The following TCHH variants were observed in gnomAD, a reference collection of about 807,000 sequenced individuals.
TCHH encodes the protein trichohyalin.
TCHH carries 6 observed loss-of-function variants against 6.3 expected under a neutral mutation model. The ratio of observed to expected loss-of-function variants is 0.95; its 90% CI spans 0.52 to 1.88. The LOEUF (loss-of-function observed/expected upper bound fraction) is 1.88. Among genes scored for constraint, TCHH ranks in the 40% most tolerant of loss-of-function variants. The pLI is 0.01. For synonymous variants in TCHH, 1,087 were observed against 963.6 expected, an observed-to-expected ratio of 1.13 and a Z score of -2.37; for missense variants, 2,920 against 2,449.1, an observed-to-expected ratio of 1.19 and a Z score of -4.06.
In TCHH at chr1:152,107,857, T is replaced by TGCTGTTCCTCCCTCTCCTGGCGGA. The variant is rs750788841; in HGVS notation, c.5336_5359dup (p.Leu1779_Gln1786dup). The TGCTGTTCCTCCCTCTCCTGGCGGA allele has an allele frequency of 6.2e-7, 1 of 1,614,100 alleles. No individual in the cohort carries two copies. The highest frequency in any genetic ancestry group is 2.2e-5 in the East Asian group (1 of 44,864). ...TCTGTCAGACTCTTGGCTGCGCAGC[T>TGCTGTTCCTCCCTCTCCTGGCGGA]GCTGTTCCTCCCTCTCCTGGCGGAG... On this transcript the variant is annotated inframe_insertion, in exon 3 of 3. Coordinates refer to ENST00000614923, the MANE Select transcript of TCHH (RefSeq NM_007113.4).
chr1:152,107,124 AT>A lies in TCHH; in HGVS notation c.*260del, dbSNP rs199878160. On this transcript the variant is annotated 3_prime_UTR_variant, in exon 3 of 3. Transcript: ENST00000614923. ...TTCTTAAACAAATTAAATGATTTAT[AT>A]TTTTTTTAAATGCACACCACATCTG... 9.5e-4 allele frequency: 317 copies of A among 335,298 alleles called. No homozygotes were observed. Among genetic ancestry groups the A allele is most frequent in the African/African-American group, 1.9e-3 (88 of 47,338 alleles). 20.8% of individuals were successfully genotyped at this position (335,298 alleles called of 1,614,324 possible). A position where few individuals can be genotyped will look rare whatever the true frequency, so the allele number is the denominator to read the frequency against.
rs1166209739 is a variant in TCHH, at chr1:152,108,841, C to A, written c.4376G>T (p.Arg1459Leu). 1 of 1,600,424 alleles carries A rather than the reference C, an allele frequency of 6.2e-7. No homozygotes were observed. Among genetic ancestry groups the A allele is most frequent in the Non-Finnish European group, 8.5e-7 (1 of 1,175,354 alleles). ...LEEEQQLRQE[R>L]HRKFREEEQL... is the part of the protein sequence containing the mutation. ...TTCCTCTTCGCGGAATTTTCTGTGA[C>A]GCTCCTGGCGCAGCTGCTGTTCCTC... The change falls in exon 3 of 3, where the codon CGT becomes CTT. Residue 1459 changes from arginine to leucine, a missense_variant. Coordinates refer to ENST00000614923, the MANE Select transcript of TCHH (RefSeq NM_007113.4).
Position 152,109,574 on chromosome 1 carries a change from G to C in TCHH, c.3643C>G (p.Arg1215Gly). 6.2e-7 allele frequency: 1 copy of C among 1,614,184 alleles called. No homozygotes were observed. Among genetic ancestry groups the C allele is most frequent in the Non-Finnish European group, 8.5e-7 (1 of 1,180,032 alleles). The change falls in exon 3 of 3, where the codon CGG (arginine) becomes GGG (glycine). Residue 1215 changes from arginine (R) to glycine (G), a missense_variant. Transcript: ENST00000614923. ...AGATCACTGCGCTGATCCTCATCCCGGTATCGCTGCTTCCTTTTCTGGCGC... is the reference window on the plus strand; with the variant it reads ...AGATCACTGCGCTGATCCTCATCCCCGTATCGCTGCTTCCTTTTCTGGCGC... ...LQRQKRKQRY[R>G]DEDQRSDLKW...
chr1:152,112,659 G>A lies in TCHH; in HGVS notation c.558C>T (p.Arg186=), dbSNP rs768564473. 1.3e-5 allele frequency: 21 copies of A among 1,613,826 alleles called. No individual in the cohort carries two copies. The highest frequency in any genetic ancestry group is 1.8e-5 in the Non-Finnish European group (21 of 1,180,012). The change falls in exon 3 of 3, where the codon CGC becomes CGT. Residue 186 remains arginine, a synonymous_variant. Transcript: ENST00000614923. ...QRQEWQEREE[R]RAEEEQLQSC... ...TCTGCAGCTGCTCTTCCTCTGCACG[G>A]CGCTCTTCCCGTTCTTGCCATTCTT...
At position 152,110,810 on chromosome 1, in the gene TCHH, G is replaced by T. The variant is rs767585159; in HGVS notation, c.2407C>A (p.Arg803Ser). 1 of 1,608,230 alleles carries T rather than the reference G, an allele frequency of 6.2e-7. No individual in the cohort carries two copies. The highest frequency in any genetic ancestry group is 8.5e-7 in the Non-Finnish European group (1 of 1,179,822). ...QRERQLRAEERQQREQRFLPE... is the reference protein window; with the variant it reads ...QRERQLRAEESQQREQRFLPE... ...AGAAACCGTTGTTCCCGCTGCTGGC[G>T]CTCCTCGGCCCTCAGCTGCCTCTCC... The change falls in exon 3 of 3, where the codon CGC (arginine) becomes AGC (serine). Residue 803 changes from arginine (R) to serine (S), a missense_variant. Coordinates refer to ENST00000614923, the MANE Select transcript of TCHH (RefSeq NM_007113.4).
chr1:152,110,960 G>A lies in TCHH; in HGVS notation c.2257C>T (p.Arg753Trp), dbSNP rs762031871. 119 of 1,612,960 alleles carry A rather than the reference G, an allele frequency of 7.4e-5. No individual in the cohort carries two copies. The highest frequency in any genetic ancestry group is 9.8e-5 in the Non-Finnish European group (116 of 1,179,916). The change falls in exon 3 of 3, where the codon CGG becomes TGG. Residue 753 changes from arginine to tryptophan, a missense_variant. Arg to Trp is a moderately radical substitution (Grantham distance 101). Transcript: ENST00000614923. ...TCTTCCTGCTGCTGCCGGTGAGCCC[G>A]TTCCTCCTCCTGCCATTGCAGCTCA... ...ESELQWQEEERAHRQQQEEEQ... is the reference protein window; with the variant it reads ...ESELQWQEEEWAHRQQQEEEQ...
chr1:152,108,854 G>A lies in TCHH; in HGVS notation c.4363C>T (p.Leu1455=). The change falls in exon 3 of 3, where the codon CTG becomes TTG. Residue 1455 remains leucine (L), a synonymous_variant. Transcript: ENST00000614923. ...AATTTTCTGTGACGCTCCTGGCGCAGCTGCTGTTCCTCCTCCAGGAATTTT... is the reference window on the plus strand; with the variant it reads ...AATTTTCTGTGACGCTCCTGGCGCAACTGCTGTTCCTCCTCCAGGAATTTT... ...ERKFLEEEQQ[L]RQERHRKFRE... 6.2e-7 allele frequency: 1 copy of A among 1,612,172 alleles called. No homozygotes were observed. The highest frequency in any genetic ancestry group is 8.5e-7 in the Non-Finnish European group (1 of 1,179,496).
rs1658213239 is a variant in TCHH, at chr1:152,108,879, T to C, written c.4338A>G (p.Arg1446=). 1.9e-6 allele frequency: 3 copies of C among 1,612,182 alleles called. No homozygotes were observed. Among genetic ancestry groups the C allele is most frequent in the Non-Finnish European group, 2.5e-6 (3 of 1,179,554 alleles). Residue 1446 remains arginine, a synonymous_variant, in exon 3 of 3, where the codon AGA becomes AGG. Transcript: ENST00000614923. Reference sequence around the variant, plus strand: ...GCTGCTGTTCCTCCTCCAGGAATTTTCTCTCTCGTTCCTGGCGGCGCACCT... The same window carrying C: ...GCTGCTGTTCCTCCTCCAGGAATTTCCTCTCTCGTTCCTGGCGGCGCACCT... ...EQQVRRQERE[R]KFLEEEQQLR...
rs772959160 is a variant in TCHH, at chr1:152,110,173, TC to T, written c.3043del (p.Glu1015SerfsTer20). On this transcript the variant is annotated frameshift_variant, in exon 3 of 3. Transcript: ENST00000614923. LOFTEE classifies it low-confidence loss of function (END_TRUNC). ...TTTTTTGCGGTACTGCCTCTCCCAC[TC>T]CTGGCGCCTTCTCTTCTCCCGTTCC... ...REEREKRRRQ[E>X]WERQYRKKDE... 6.2e-7 allele frequency: 1 copy of T among 1,608,700 alleles called. No individual in the cohort carries two copies. Among genetic ancestry groups the T allele is most frequent in the Non-Finnish European group, 8.5e-7 (1 of 1,177,944 alleles).
chr1:152,113,103 T>A (rs778635696), intron 2 of TCHH, 25 bp from the exon 3 acceptor site: 1 of 1,551,356 alleles, frequency 6.4e-7, no homozygotes, highest in South Asian at 1.2e-5. Context: ...AAAACAAAAA[T>A]TTTACAATGC....
In TCHH at chr1:152,109,238, C is replaced by T. The variant is rs778099777; in HGVS notation, c.3979G>A (p.Glu1327Lys). Residue 1327 changes from glutamate (E) to lysine (K), a missense_variant, in exon 3 of 3, where the codon GAG (glutamate) becomes AAG (lysine). Physicochemically the swap from Glu to Lys is moderately conservative, Grantham distance 56. Transcript: ENST00000614923. ...TCTGTCTCTTGACGGCGTCTCTTCTCTTCTCTTTCCTCTCTCAGCAACTGC... is the reference window on the plus strand; with the variant it reads ...TCTGTCTCTTGACGGCGTCTCTTCTTTTCTCTTTCCTCTCTCAGCAACTGC... ...EKQLLREERE[E>K]KRRRQETDRK... 4.3e-6 allele frequency: 7 copies of T among 1,614,258 alleles called. No individual in the cohort carries two copies. The highest frequency in any genetic ancestry group is 1.1e-5 in the South Asian group (1 of 91,086).
In TCHH at chr1:152,107,897, G is replaced by A. The variant is rs776770509; in HGVS notation, c.5320C>T (p.Arg1774Cys). The A allele has an allele frequency of 1.1e-5, 17 of 1,614,004 alleles. No individual in the cohort carries two copies. Among genetic ancestry groups the A allele is most frequent in the Non-Finnish European group, 1.4e-5 (17 of 1,180,022 alleles). ...TCCTGGCGGAGCTGTTCCTCCTCGCGGAATTTTCTGTCGCGCTCCTGGCGG... is the reference window on the plus strand; with the variant it reads ...TCCTGGCGGAGCTGTTCCTCCTCGCAGAATTTTCTGTCGCGCTCCTGGCGG... ...LRRQERDRKF[R>C]EEEQLRQERE... The change falls in exon 3 of 3, where the codon CGC becomes TGC. Residue 1774 changes from arginine to cysteine, a missense_variant. Transcript: ENST00000614923.
rs780081111 is a variant in TCHH at position 152,108,376 on chromosome 1, C to T, written c.4841G>A (p.Arg1614His). ...GCGGAATTTTCTGTCGCGCTCCTGG[C>T]GCAGCTGTTGTTGGCCCTCCTGGCG... The part of the protein sequence containing the change: ...LRRQEGQQQL[R>H]QERDRKFRED... The change falls in exon 3 of 3, where the codon CGC becomes CAC. Residue 1614 changes from arginine to histidine, a missense_variant. Transcript: ENST00000614923. The T allele has an allele frequency of 1.2e-5, 20 of 1,611,934 alleles. No individual in the cohort carries two copies. Among genetic ancestry groups the T allele is most frequent in the Admixed American group, 5.0e-5 (3 of 59,860 alleles).
rs747241468 is a variant in TCHH, at chr1:152,109,791, C to T, written c.3426G>A (p.Glu1142=). 1.3e-6 allele frequency: 2 copies of T among 1,584,022 alleles called. No homozygotes were observed. The highest frequency in any genetic ancestry group is 1.7e-6 in the Non-Finnish European group (2 of 1,162,630). ...RRQELERQYR[E]EEEVQQEEEQ... Reference sequence around the variant, plus strand: ...CTTCCTCCTGCTGCACCTCCTCTTCCTCCCGATATTGCCTCTCCAGCTCCT... The same window carrying T: ...CTTCCTCCTGCTGCACCTCCTCTTCTTCCCGATATTGCCTCTCCAGCTCCT... Residue 1142 remains glutamate (E), a synonymous_variant, in exon 3 of 3, where the codon GAG becomes GAA. Coordinates refer to ENST00000614923, the MANE Select transcript of TCHH (RefSeq NM_007113.4).
intron 1 of TCHH, 50 bp from the exon 2 acceptor site, chr1:152,114,161 G>A: frequency 8.0e-6 from 11 of 1,381,532 alleles, no homozygotes; most frequent in Non-Finnish European, 1.1e-5. Context: ...TCTGCTTTTG[G>A]GAAGGCTTCA....
Position 152,110,792 on chromosome 1 carries a change from G to A in TCHH, c.2425C>T (p.Arg809Trp). Residue 809 changes from arginine (R) to tryptophan (W), a missense_variant, in exon 3 of 3, where the codon CGG becomes TGG. Physicochemically the swap from Arg to Trp is moderately radical, Grantham distance 101. Transcript: ENST00000614923. ...RAEERQQREQRFLPEEEEKEQ... is the reference protein window; with the variant it reads ...RAEERQQREQWFLPEEEEKEQ... Reference sequence around the variant, plus strand: ...TTCTCCTCCTCCTCCGGGAGAAACCGTTGTTCCCGCTGCTGGCGCTCCTCG... The same window carrying A: ...TTCTCCTCCTCCTCCGGGAGAAACCATTGTTCCCGCTGCTGGCGCTCCTCG... The A allele has an allele frequency of 6.2e-7, 1 of 1,607,588 alleles. No homozygotes were observed. Among genetic ancestry groups the A allele is most frequent in the Non-Finnish European group, 8.5e-7 (1 of 1,179,806 alleles).
In TCHH at chr1:152,112,364, C is replaced by T. The variant is rs776307836; in HGVS notation, c.853G>A (p.Glu285Lys). The stretch of plus-strand genomic sequence containing the variant: ...TCCTCCTGGCGCTCCCTCCTCAGCT[C>T]TTGCCGCTCCAGCTTCCGTAGCTGC... Reference protein sequence around the residue: ...EEQLRKLERQELRRERQEEEQ... With the variant: ...EEQLRKLERQKLRRERQEEEQ... Residue 285 changes from glutamate to lysine, a missense_variant, in exon 3 of 3, where the codon GAG becomes AAG. By Grantham distance (56) the Glu-to-Lys change is moderately conservative (BLOSUM62 1). Coordinates refer to ENST00000614923, the MANE Select transcript of TCHH (RefSeq NM_007113.4). 17 of 1,613,538 alleles carry T rather than the reference C, an allele frequency of 1.1e-5. No individual in the cohort carries two copies. The highest frequency in any genetic ancestry group is 3.3e-4 in the Middle Eastern group (2 of 6,084).
chr1:152,111,318 C>T lies in TCHH; in HGVS notation c.1899G>A (p.Leu633=), dbSNP rs1178709992. 3 of 1,602,108 alleles carry T rather than the reference C, an allele frequency of 1.9e-6. No homozygotes were observed. The highest frequency in any genetic ancestry group is 1.7e-6 in the Non-Finnish European group (2 of 1,172,594). The change falls in exon 3 of 3, where the codon CTG becomes CTA. Residue 633 remains leucine, a synonymous_variant. Coordinates refer to ENST00000614923, the MANE Select transcript of TCHH (RefSeq NM_007113.4). ...TCTCCTCCTGCTCCTCGCTCTTCAGCAGCTGCTGGCGCCTCTCTTCCTCCG... is the reference window on the plus strand; with the variant it reads ...TCTCCTCCTGCTCCTCGCTCTTCAGTAGCTGCTGGCGCCTCTCTTCCTCCG... ...EEPEEERRQQ[L]LKSEEQEERR...
rs561308210 is a variant in TCHH, at chr1:152,107,415, G to A, written c.5802C>T (p.Ile1934=). The A allele has an allele frequency of 6.3e-7, 1 of 1,597,418 alleles. No homozygotes were observed. Among genetic ancestry groups the A allele is most frequent in the East Asian group, 2.2e-5 (1 of 44,600 alleles). The change falls in exon 3 of 3, where the codon ATC becomes ATT. Residue 1934 remains isoleucine (I), a synonymous_variant. Transcript: ENST00000614923. ...PVRSSPLYEY[I]QEQRSQYRP The stretch of plus-strand genomic sequence containing the variant: ...GGCGGTATTGAGATCTCTGCTCTTG[G>A]ATGTACTCATAGAGAGGGCTGGAGC...
Sources: allele counts gnomAD v4.1 joint callset, GRCh38; gene constraint gnomAD v4.1.1; transcripts MANE v1.5; gene names NCBI Gene and HGNC (gene_info 2026-07-23, HGNC 2026-07-21).